Variants in ZBTB9 observed in about 807,000 individuals in gnomAD.
ZBTB9 encodes zinc finger and BTB domain containing 9.
In ZBTB9, 17 loss-of-function variants were observed where a neutral mutation model predicts 26.3. That is an observed-to-expected ratio of 0.65 (90% CI 0.44 to 0.97). ZBTB9 has a LOEUF of 0.97. ZBTB9 is among the 50% of genes least tolerant of loss of function. ZBTB9 has a pLI of 0.00. For missense variants in ZBTB9, 510 were observed against 594.2 expected (o/e 0.86, Z 1.47); for synonymous variants, 226 against 234.3 (o/e 0.96, Z 0.32).
upstream of ZBTB9, chr6:33,453,900 C>CT (rs1761413603): frequency 6.6e-6 from 1 of 152,198 alleles, no homozygotes; most frequent in African/African-American, 2.4e-5. Context: ...CAATCTAACT[C>CT]TCCCCTCACC....
In ZBTB9 at chr6:33,455,486, A is replaced by G. The variant is rs1390884200; in HGVS notation, c.386A>G (p.Gln129Arg). The change falls in exon 2 of 2, where the codon CAG (glutamine) becomes CGG (arginine). Residue 129 changes from glutamine (Q) to arginine (R), a missense_variant. By Grantham distance (43) the Gln-to-Arg change is conservative. Coordinates refer to ENST00000395064, the MANE Select transcript of ZBTB9 (RefSeq NM_152735.4). ...LLVASGLQMW[Q>R]VVDQCSEILR... ...GTGGCCAGTGGCCTTCAAATGTGGC[A>G]GGTAGTAGATCAGTGCTCAGAAATT... 2.5e-6 allele frequency: 4 copies of G among 1,614,040 alleles called. No homozygotes were observed. The highest frequency in any genetic ancestry group is 3.4e-6 in the Non-Finnish European group (4 of 1,179,992).
At chr6:33,453,555 C>T (rs911613332), upstream of ZBTB9, 4 of 150,666 alleles carry the variant, frequency 2.7e-5, no homozygotes, top group African/African-American at 9.8e-5. Context: ...CGTTCTCCCT[C>T]CCCACCCCAC....
At position 33,455,977 on chromosome 6, in the gene ZBTB9, A is replaced by G. The variant is rs2151220104; in HGVS notation, c.877A>G (p.Lys293Glu). The G allele has an allele frequency of 1.2e-6, 2 of 1,613,822 alleles. No individual in the cohort carries two copies. Among genetic ancestry groups the G allele is most frequent in the Middle Eastern group, 1.7e-4 (1 of 6,060 alleles). ...CATTAAGCAGGAACCCTTCGAGCCT[A>G]AGGAGGAGATATCAGGAAGCGGAAC... Reference protein sequence around the residue: ...FYIKQEPFEPKEEISGSGTQP... With the variant: ...FYIKQEPFEPEEEISGSGTQP... Residue 293 changes from lysine (K) to glutamate (E), a missense_variant, in exon 2 of 2, where the codon AAG (lysine) becomes GAG (glutamate). By Grantham distance (56) the Lys-to-Glu change is moderately conservative. Transcript: ENST00000395064.
At chr6:33,454,213 C>G (rs1001884214), upstream of ZBTB9, 2 of 152,230 alleles carry the variant, frequency 1.3e-5, no homozygotes, top group Admixed American at 1.3e-4. Context: ...GTGATGTGGG[C>G]AAGTGCCAGG....
chr6:33,456,455 G>A lies in ZBTB9; in HGVS notation c.1355G>A (p.Cys452Tyr), dbSNP rs1288707322. ...GGCCGTCGGTTCCGAGTCCATGCCT[G>A]TTTTCTCCGCCACCGGGACCTATGC... ...HCGRRFRVHA[C>Y]FLRHRDLCKG... The change falls in exon 2 of 2, where the codon TGT becomes TAT. Residue 452 changes from cysteine (C) to tyrosine (Y), a missense_variant. This residue lies in a region of ZBTB9 where 71 missense variants were observed against 133.8 expected (regional missense o/e 0.53). Transcript: ENST00000395064. This position sits in a 1 kb window ranked among gnomAD's most constrained non-coding sequence, Gnocchi z 5.1. 1 of 1,614,062 alleles carries A rather than the reference G, an allele frequency of 6.2e-7. No individual in the cohort carries two copies.
chr6:33,455,777 AG>A lies in ZBTB9; in HGVS notation c.681del (p.Ser228GlnfsTer28). 3 of 1,612,728 alleles carry A rather than the reference AG, an allele frequency of 1.9e-6. No homozygotes were observed. The highest frequency in any genetic ancestry group is 2.5e-6 in the Non-Finnish European group (3 of 1,179,188). On this transcript the variant is annotated frameshift_variant, in exon 2 of 2. Transcript: ENST00000395064. LOFTEE classifies it high-confidence loss of function. ...EEEEDDDDED[Q>X]GSATLSQTPQ... ...GAGGAAGATGATGATGATGAGGACCAGGGGTCAGCCACACTCTCTCAGACTC... is the reference window on the plus strand; with the variant it reads ...GAGGAAGATGATGATGATGAGGACCAGGGTCAGCCACACTCTCTCAGACTC...
At position 33,455,200 on chromosome 6, in the gene ZBTB9, C is replaced by G; in HGVS notation, c.100C>G (p.Leu34Val). 1 of 1,614,126 alleles carries G rather than the reference C, an allele frequency of 6.2e-7. No homozygotes were observed. ...CGAGTTCCCACAGCATAGCTCGTCT[C>G]TGCTGGAATCTCTGAACCGCCACAG... The part of the protein sequence containing the change: ...QIEFPQHSSS[L>V]LESLNRHRLE... Residue 34 changes from leucine (L) to valine (V), a missense_variant, in exon 2 of 2, where the codon CTG becomes GTG. This residue lies in a region of ZBTB9 where 439 missense variants were observed against 460.4 expected (regional missense o/e 0.95). Coordinates refer to ENST00000395064, the MANE Select transcript of ZBTB9 (RefSeq NM_152735.4).
Position 33,456,384 on chromosome 6 carries a change from G to A in ZBTB9, c.1284G>A (p.Glu428=). ...KRFKLKHHLT[E]HMKTHAGALH... ...TCAAGCTGAAGCACCATCTGACAGA[G>A]CACATGAAGACCCATGCTGGAGCCC... Residue 428 remains glutamate (E), a synonymous_variant, in exon 2 of 2, where the codon GAG becomes GAA. Transcript: ENST00000395064. This position sits in a 1 kb window ranked among gnomAD's most constrained non-coding sequence, Gnocchi z 5.1. 1 of 1,614,202 alleles carries A rather than the reference G, an allele frequency of 6.2e-7. No individual in the cohort carries two copies. Among genetic ancestry groups the A allele is most frequent in the Non-Finnish European group, 8.5e-7 (1 of 1,180,040 alleles).
In ZBTB9 at chr6:33,456,677, C is replaced by T; in HGVS notation, c.*155C>T. ...CTCTTGTTCTTAGATATGGGCCTCTCAGCCTGGCAGATGTGGAAACTCAAA... is the reference window on the plus strand; with the variant it reads ...CTCTTGTTCTTAGATATGGGCCTCTTAGCCTGGCAGATGTGGAAACTCAAA... On this transcript the variant is annotated 3_prime_UTR_variant, in exon 2 of 2. Coordinates refer to ENST00000395064, the MANE Select transcript of ZBTB9 (RefSeq NM_152735.4). The surrounding 1 kb of genome is among the most constrained non-coding windows in gnomAD (Gnocchi z 5.1). The T allele has an allele frequency of 7.6e-7, 1 of 1,316,726 alleles. No homozygotes were observed. Among genetic ancestry groups the T allele is most frequent in the Non-Finnish European group, 1.0e-6 (1 of 999,698 alleles). The allele number at this position is 1,316,726 out of a possible 1,614,324, so 81.6% of individuals were successfully genotyped here.
intron 1 of ZBTB9, 95 bp downstream of exon 1, chr6:33,454,870 G>A: frequency 1.8e-6 from 1 of 567,088 alleles, no homozygotes; most frequent in Non-Finnish European, 3.0e-6. Context: ...GGTGGTTGTT[G>A]TTGTTGTTTG....
In ZBTB9 at chr6:33,457,470, G is replaced by T. The variant is rs1230385142; in HGVS notation, c.*948G>T. ...CAGCCCCTCTGTTGAGATATGGAGG[G>T]GACAGATACTGGAATCGGGGGTGGG... On this transcript the variant is annotated 3_prime_UTR_variant, in exon 2 of 2. Transcript: ENST00000395064. 1 of 167,024 alleles carries T rather than the reference G, an allele frequency of 6.0e-6. No homozygotes were observed. Among genetic ancestry groups the T allele is most frequent in the Non-Finnish European group, 1.5e-5 (1 of 68,146 alleles). 10.3% of individuals were successfully genotyped at this position (167,024 alleles called of 1,614,324 possible).
At chr6:33,454,411 G>C (rs1280238834), upstream of ZBTB9, 1 of 152,474 alleles carries the variant, frequency 6.6e-6, no homozygotes, top group Non-Finnish European at 1.5e-5. Flanking sequence ...AGCTCCCCGG[G>C]ACGCCCGTTG....
Position 33,456,067 on chromosome 6 carries a change from G to A in ZBTB9, c.967G>A (p.Glu323Lys). 1.2e-6 allele frequency: 2 copies of A among 1,614,102 alleles called. No individual in the cohort carries two copies. The highest frequency in any genetic ancestry group is 1.7e-6 in the Non-Finnish European group (2 of 1,180,034). ...FSGGDTEGNG[E>K]LGFLLPSGPG... ...TGGAGGGGACACTGAAGGGAATGGG[G>A]AGCTAGGGTTCTTGTTGCCTTCAGG... The change falls in exon 2 of 2, where the codon GAG (glutamate) becomes AAG (lysine). Residue 323 changes from glutamate (E) to lysine (K), a missense_variant. Around this residue, in one of 2 missense-constraint regions of ZBTB9, gnomAD observed 439 missense variants for 460.4 expected, o/e 0.95. Transcript: ENST00000395064. This position sits in a 1 kb window ranked among gnomAD's most constrained non-coding sequence, Gnocchi z 5.1.
Position 33,456,657 on chromosome 6 carries a change from G to T in ZBTB9, c.*135G>T. ...AGAATAGATACATTATGGACCTCTT[G>T]TTCTTAGATATGGGCCTCTCAGCCT... On this transcript the variant is annotated 3_prime_UTR_variant, in exon 2 of 2. Transcript: ENST00000395064. The surrounding 1 kb of genome is among the most constrained non-coding windows in gnomAD (Gnocchi z 5.1). 1 of 1,415,394 alleles carries T rather than the reference G, an allele frequency of 7.1e-7. No homozygotes were observed. The highest frequency in any genetic ancestry group is 9.3e-7 in the Non-Finnish European group (1 of 1,071,180). 87.7% of individuals were successfully genotyped at this position (1,415,394 alleles called of 1,614,324 possible). A position where few individuals can be genotyped will look rare whatever the true frequency, so the allele number is the denominator to read the frequency against.
Position 33,455,537 on chromosome 6 carries a change from G to C in ZBTB9, c.437G>C (p.Gly146Ala). 6.2e-7 allele frequency: 1 copy of C among 1,614,224 alleles called. No homozygotes were observed. The highest frequency in any genetic ancestry group is 8.5e-7 in the Non-Finnish European group (1 of 1,180,042). The change falls in exon 2 of 2, where the codon GGT becomes GCT. Residue 146 changes from glycine (G) to alanine (A), a missense_variant. By Grantham distance (60) the Gly-to-Ala change is moderately conservative. This residue lies in a region of ZBTB9 where 439 missense variants were observed against 460.4 expected (regional missense o/e 0.95). Transcript: ENST00000395064. ...EILRELETSG[G>A]GISARGGNSY... ...CTTAGAGAATTAGAAACTTCAGGTG[G>C]TGGAATTTCAGCCCGTGGAGGAAAC...
intron 1 of ZBTB9, 44 bp downstream of exon 1, chr6:33,454,819 A>C (rs1413536673): frequency 2.1e-6 from 1 of 485,332 alleles, no homozygotes; most frequent in Non-Finnish European, 3.6e-6. Flanking sequence ...CTTATCTTCC[A>C]CAGGGGCTGG....
chr6:33,454,859 T>C (rs1047957497), intron 1 of ZBTB9, 84 bp downstream of exon 1: 2 of 547,114 alleles, frequency 3.7e-6, no homozygotes, highest in African/African-American at 3.9e-5. Flanking sequence ...TGTTTAGTGG[T>C]GGTGGTTGTT....
At position 33,455,246 on chromosome 6, in the gene ZBTB9, ATG is replaced by A; in HGVS notation, c.150_151del (p.Ser51ProfsTer9). On this transcript the variant is annotated frameshift_variant, in exon 2 of 2. Transcript: ENST00000395064. LOFTEE classifies it high-confidence loss of function. ...CACAGGCTAGAGGGAAAGTTCTGTG[ATG>A]TGTCCCTCCTGGTGCAGGGCCGGGA... 2 of 1,614,158 alleles carry A rather than the reference ATG, an allele frequency of 1.2e-6. No homozygotes were observed. The highest frequency in any genetic ancestry group is 2.7e-5 in the African/African-American group (2 of 75,016).
chr6:33,455,306 C>T lies in ZBTB9; in HGVS notation c.206C>T (p.Ala69Val). Residue 69 changes from alanine (A) to valine (V), a missense_variant, in exon 2 of 2, where the codon GCC becomes GTC. By Grantham distance (64) the Ala-to-Val change is moderately conservative. This residue lies in a region of ZBTB9 where 439 missense variants were observed against 460.4 expected (regional missense o/e 0.95). Transcript: ENST00000395064. ...LRAHKAVLAA[A>V]SPYFHDKLLL... ...GCTCATAAAGCAGTGTTAGCTGCTG[C>T]CTCTCCTTACTTCCATGACAAGCTG... is the stretch of plus-strand genomic sequence containing the variant. 6.2e-7 allele frequency: 1 copy of T among 1,614,210 alleles called. No individual in the cohort carries two copies. The highest frequency in any genetic ancestry group is 8.5e-7 in the Non-Finnish European group (1 of 1,180,034).
Sources: gnomAD v4.1 joint callset for allele counts on GRCh38, gnomAD v4.1.1 for gene constraint, gnomAD v4.1.1 regional missense constraint, Gnocchi (gnomAD v3.1) non-coding constraint, MANE v1.5 for transcripts, NCBI Gene and HGNC (gene_info 2026-07-23, HGNC 2026-07-21) for gene names.